Variants in DSE observed in about 807,000 individuals in gnomAD.
DSE encodes the protein dermatan-sulfate epimerase.
Under a neutral mutation model 84.4 loss-of-function variants are expected in DSE, and 36 were observed. The ratio of observed to expected loss-of-function variants is 0.43; its 90% CI spans 0.33 to 0.56. DSE has a LOEUF of 0.56. Among genes scored for constraint, DSE ranks in the 20% least tolerant of loss-of-function variants. The pLI is 0.06. For missense variants in DSE, 862 were observed against 1,169.6 expected, an observed-to-expected ratio of 0.74 and a Z score of 3.84; for synonymous variants, 410 against 430.1, an observed-to-expected ratio of 0.95 and a Z score of 0.58.
intron 2 of DSE, among the ~76,000 whole-genome samples, chr6:116,352,764 T>C (rs1398830478): frequency 6.6e-6 from 1 of 152,106 alleles, no homozygotes; most frequent in African/African-American, 2.4e-5. Context: ...CATTACCCAT[T>C]TTGCAACACA....
intron 2 of DSE, among the ~76,000 whole-genome samples, chr6:116,360,812 G>T (rs1778843674): frequency 6.6e-6 from 1 of 151,772 alleles, no homozygotes; most frequent in Non-Finnish European, 1.5e-5. Flanking sequence ...TTAATGCCTT[G>T]CATGCCTTGG....
chr6:116,431,616 A>G (rs1008595345), intron 4 of DSE, among the ~76,000 whole-genome samples: 2 of 152,286 alleles, frequency 1.3e-5, no homozygotes, highest in East Asian at 3.9e-4. Flanking sequence ...TTCAAACTAT[A>G]CAGACATGAT....
chr6:116,294,743 G>A (rs1359705431), intron 2 of DSE, among the ~76,000 whole-genome samples: 1 of 152,176 alleles, frequency 6.6e-6, no homozygotes, highest in Non-Finnish European at 1.5e-5. Flanking sequence ...TCACCATCTA[G>A]TCTCTGGTCC....
intron 2 of DSE, among the ~76,000 whole-genome samples, chr6:116,323,890 A>C (rs562407582): frequency 5.5e-4 from 83 of 151,904 alleles, no homozygotes; most frequent in African/African-American, 2.0e-3. Context: ...TCTTCCCTCC[A>C]CTTCTACCAT....
intron 2 of DSE, among the ~76,000 whole-genome samples, chr6:116,315,411 C>T (rs1275082421): frequency 2.0e-5 from 3 of 151,664 alleles, no homozygotes; most frequent in African/African-American, 7.3e-5. Context: ...ATGTAAATGT[C>T]ATAAGGGCAG....
chr6:116,297,575 G>A (rs1774748103), intron 2 of DSE, among the ~76,000 whole-genome samples: 2 of 152,198 alleles, frequency 1.3e-5, no homozygotes, highest in African/African-American at 2.4e-5. Context: ...ATAATAGTTA[G>A]TGGTTTGGGA....
intron 2 of DSE, among the ~76,000 whole-genome samples, chr6:116,408,038 C>G (rs927687181): frequency 2.6e-5 from 4 of 152,212 alleles, no homozygotes; most frequent in African/African-American, 7.2e-5. Context: ...CCAACCCTAT[C>G]CAGACTGTAT....
chr6:116,348,435 C>CAA (rs111687814), intron 2 of DSE, among the ~76,000 whole-genome samples: 3,227 of 141,914 alleles, frequency 0.023, 109 homozygotes, highest in African/African-American at 0.075. Context: ...TCAAAAAAAA[C>CAA]AAAAAAAAAC....
At chr6:116,363,549 C>T (rs1191144553) in intron 2 of DSE, among the ~76,000 whole-genome samples, 4 of 152,002 alleles carry the variant, frequency 2.6e-5, no homozygotes, top group Admixed American at 6.6e-5. Context: ...TTTATTAGAA[C>T]TTTTAAATAC....
At chr6:116,390,250 G>A (rs950360779) in intron 1 of DSE, among the ~76,000 whole-genome samples, 3 of 151,788 alleles carry the variant, frequency 2.0e-5, no homozygotes, top group Admixed American at 6.6e-5. Context: ...GTATTTTTTT[G>A]TAGAGACAGG....
intron 2 of DSE, chr6:116,279,792 G>C: frequency 6.2e-7 from 1 of 1,612,948 alleles, no homozygotes. Context: ...TGTGGGTTTG[G>C]AGGGGAGTGG....
intron 2 of DSE, among the ~76,000 whole-genome samples, chr6:116,414,046 TACGAGGTGGCAGCA>T (rs1423439504): frequency 6.6e-6 from 1 of 152,204 alleles, no homozygotes; most frequent in African/African-American, 2.4e-5. Context: ...ATGGGGAGTG[TACGAGGTGGCAGCA>T]ATGGCCGGTC....
At position 116,426,727 on chromosome 6, in the gene DSE, A is replaced by G. The variant is rs756536417; in HGVS notation, c.570A>G (p.Glu190=). 7.4e-6 allele frequency: 12 copies of G among 1,614,076 alleles called. No homozygotes were observed. In the East Asian group the frequency reaches 1.8e-4, roughly 24 times the overall value. ...VIANASGYMY[E]TSYRRGWGFQ... is the part of the protein sequence containing the mutation. ...CCAATGCCTCAGGGTATATGTATGA[A>G]ACTTCATACAGGAGAGGATGGGGAT... The change falls in exon 3 of 6, where the codon GAA becomes GAG. Residue 190 remains glutamate, a synonymous_variant. Transcript: ENST00000644252.
chr6:116,325,963 C>T (rs576164570), intron 2 of DSE, among the ~76,000 whole-genome samples: 1 of 152,224 alleles, frequency 6.6e-6, no homozygotes, highest in South Asian at 2.1e-4. Flanking sequence ...GTGACTGGGG[C>T]TGCACGCACC....
intron 2 of DSE, among the ~76,000 whole-genome samples, chr6:116,347,956 T>A (rs112799825): frequency 6.6e-6 from 1 of 151,980 alleles, no homozygotes; most frequent in African/African-American, 2.4e-5. Context: ...GAGAAATAAA[T>A]CAAACAACCC....
intron 2 of DSE, among the ~76,000 whole-genome samples, chr6:116,286,489 C>G (rs1282152388): frequency 6.6e-6 from 1 of 152,164 alleles, no homozygotes; most frequent in African/African-American, 2.4e-5. Context: ...TTTCTCAACT[C>G]TATCAGACTG....
At chr6:116,418,722 G>C (rs1489935571) in intron 2 of DSE, among the ~76,000 whole-genome samples, 2 of 152,080 alleles carry the variant, frequency 1.3e-5, no homozygotes, top group Non-Finnish European at 2.9e-5. Context: ...TTGCAAACTT[G>C]GTGACATTCT....
intron 2 of DSE, chr6:116,280,095 T>A (rs1582931412): frequency 1.8e-6 from 1 of 555,570 alleles, no homozygotes; most frequent in Non-Finnish European, 3.3e-6. Context: ...CGTAAATAAA[T>A]GTCGATTGTG....
chr6:116,310,496 C>T (rs530099990), intron 2 of DSE, among the ~76,000 whole-genome samples: 148 of 152,308 alleles, frequency 9.7e-4, no homozygotes, highest in African/African-American at 3.5e-3. Flanking sequence ...CCTGTAACCA[C>T]TCACTGTACT....
Sources: allele counts gnomAD v4.1 joint callset (sites outside exome capture counted in the v4.1 genomes callset), GRCh38; gene constraint gnomAD v4.1.1; transcripts MANE v1.5; gene names NCBI Gene and HGNC (gene_info 2026-07-23, HGNC 2026-07-21).